The following STK32B variants were observed in gnomAD, a reference collection of about 807,000 sequenced individuals.
STK32B encodes serine/threonine-protein kinase 32B.
Under a neutral mutation model 52.6 loss-of-function variants are expected in STK32B, and 43 were observed. The ratio of observed to expected loss-of-function variants is 0.82; its 90% CI spans 0.64 to 1.05. The LOEUF is 1.05. Among genes scored for constraint, STK32B ranks in the 50% least tolerant of loss-of-function variants. The pLI, the probability that STK32B is intolerant of heterozygous loss-of-function variation, is 0.00. For missense variants in STK32B, 621 were observed against 534.6 expected (o/e 1.16, Z -1.59); for synonymous variants, 238 against 204.3 (o/e 1.17, Z -1.41).
At position 5,085,137 on chromosome 4, in the gene STK32B, G is replaced by A. The variant is rs1210740350; in HGVS notation, c.52+33222G>A. On this transcript the variant is annotated intron_variant, in intron 1 of 11. Transcript: ENST00000282908. ...TGCAGTATGGTTTACAGGACAGCCT[G>A]GAAGCTAATTGATTAAATTTCTGAC... 2.6e-5 allele frequency among the ~76,000 whole-genome samples: 4 copies of A among 152,182 alleles called. No individual in the cohort carries two copies. The East Asian group carries it at 7.7e-4, about 29-fold the overall frequency.
the STK32B span, chr4:5,019,491 G>A: frequency 7.0e-7 from 1 of 1,425,040 alleles, no homozygotes; most frequent in Non-Finnish European, 9.1e-7. Flanking sequence ...CTTTATGCAG[G>A]CTGGGGGTGG....
At chr4:5,476,353 T>C (rs1313425468) in intron 11 of STK32B, among the ~76,000 whole-genome samples, 1 of 152,200 alleles carries the variant, frequency 6.6e-6, no homozygotes, top group Non-Finnish European at 1.5e-5. Flanking sequence ...CTTCTAATGC[T>C]CACTTTTAAT....
chr4:5,328,063 G>A (rs1731994468), intron 3 of STK32B, among the ~76,000 whole-genome samples: 2 of 152,126 alleles, frequency 1.3e-5, no homozygotes, highest in Non-Finnish European at 2.9e-5. Flanking sequence ...CTAGCTTCCA[G>A]CTCTTTTTCT....
At chr4:5,317,873 C>T (rs921500256) in intron 3 of STK32B, among the ~76,000 whole-genome samples, 19 of 151,972 alleles carry the variant, frequency 1.3e-4, no homozygotes, top group African/African-American at 3.9e-4. Context: ...ATCGGCACTT[C>T]TCAAAGTGCT....
intron 3 of STK32B, among the ~76,000 whole-genome samples, chr4:5,316,696 C>A (rs796925891): frequency 9.8e-3 from 1 of 102 alleles, no homozygotes; most frequent in Non-Finnish European, 0.012. Flanking sequence ...TAATATATAT[C>A]ATATTATAAT....
At chr4:5,296,181 A>G (rs1560293952) in intron 3 of STK32B, among the ~76,000 whole-genome samples, 1 of 152,274 alleles carries the variant, frequency 6.6e-6, no homozygotes, top group East Asian at 1.9e-4. Flanking sequence ...TTTGCTTCCA[A>G]TTATGTGGTC....
At chr4:5,496,136 G>A (rs1484642261) in intron 11 of STK32B, among the ~76,000 whole-genome samples, 1 of 152,258 alleles carries the variant, frequency 6.6e-6, no homozygotes, top group African/African-American at 2.4e-5. Context: ...TAAGTCTGCA[G>A]AGGTTACTGC....
intron 11 of STK32B, among the ~76,000 whole-genome samples, chr4:5,480,652 T>C (rs1297252230): frequency 6.6e-6 from 1 of 152,176 alleles, no homozygotes; most frequent in Non-Finnish European, 1.5e-5. Context: ...TACATTTGTG[T>C]ACATGTGCCA....
the STK32B span, among the ~76,000 whole-genome samples, chr4:5,038,433 T>C: frequency 6.6e-6 from 1 of 152,210 alleles, no homozygotes; most frequent in Non-Finnish European, 1.5e-5. Flanking sequence ...TGTGCAAACA[T>C]TGCTGCACAA....
chr4:5,256,180 C>T (rs1242158744), intron 3 of STK32B, among the ~76,000 whole-genome samples: 2 of 145,010 alleles, frequency 1.4e-5, no homozygotes, highest in Admixed American at 6.6e-5. Context: ...ATGACCTTCC[C>T]GGGACCACAC....
intron 2 of STK32B, among the ~76,000 whole-genome samples, chr4:5,159,812 T>TATATA (rs1553840576): frequency 1.7e-4 from 25 of 149,312 alleles, no homozygotes; most frequent in African/African-American, 2.2e-4. Context: ...TATATATATG[T>TATATA]TATTGGAGTT....
chr4:5,429,139 G>A (rs1012067549), intron 6 of STK32B, among the ~76,000 whole-genome samples: 2 of 152,182 alleles, frequency 1.3e-5, no homozygotes, highest in Admixed American at 1.3e-4. Flanking sequence ...CCCTACTCTA[G>A]TACATCGCTG....
chr4:5,049,772 A>G (rs566648964), upstream of STK32B, among the ~76,000 whole-genome samples: 173 of 152,234 alleles, frequency 1.1e-3, 1 homozygote, highest in Non-Finnish European at 2.3e-3. Context: ...TTTTTAGTAC[A>G]GATGGGGTTT....
At chr4:5,296,883 T>A (rs138067730) in intron 3 of STK32B, among the ~76,000 whole-genome samples, 2,074 of 152,220 alleles carry the variant, frequency 0.014, 50 homozygotes, top group African/African-American at 0.046. Flanking sequence ...TTTTGGTATG[T>A]TTTTGCAATT....
At chr4:5,465,104 A>G (rs75054017) in intron 9 of STK32B, among the ~76,000 whole-genome samples, 2,681 of 152,282 alleles carry the variant, frequency 0.018, 82 homozygotes, top group African/African-American at 0.061. Flanking sequence ...CACAACAGAA[A>G]GGATGAGGCC....
intron 4 of STK32B, among the ~76,000 whole-genome samples, chr4:5,341,196 A>C (rs1262446157): frequency 6.6e-6 from 1 of 152,158 alleles, no homozygotes; most frequent in Non-Finnish European, 1.5e-5. Context: ...CACTGTTACC[A>C]TGGTGTGGAT....
intron 4 of STK32B, among the ~76,000 whole-genome samples, chr4:5,338,105 G>T (rs1005411294): frequency 2.0e-5 from 3 of 152,202 alleles, no homozygotes; most frequent in Non-Finnish European, 4.4e-5. Flanking sequence ...GTAGAAAGTG[G>T]TAGGATTAAT....
At chr4:5,170,633 A>T (rs1265821870) in intron 3 of STK32B, among the ~76,000 whole-genome samples, 1 of 152,242 alleles carries the variant, frequency 6.6e-6, no homozygotes, top group African/African-American at 2.4e-5. Flanking sequence ...TACAAAGGAC[A>T]TGAACTCATC....
chr4:5,227,390 C>A (rs560665895), intron 3 of STK32B, among the ~76,000 whole-genome samples: 1 of 152,280 alleles, frequency 6.6e-6, no homozygotes, highest in East Asian at 1.9e-4. Flanking sequence ...TTTAGACCTT[C>A]CACATATTGG....
Sources: gnomAD v4.1 joint callset for allele counts (sites outside exome capture counted in the v4.1 genomes callset) on GRCh38, gnomAD v4.1.1 for gene constraint, MANE v1.5 for transcripts, NCBI Gene and HGNC (gene_info 2026-07-23, HGNC 2026-07-21) for gene names.